The following HPCAL1 variants were observed in gnomAD, a reference collection of about 807,000 sequenced individuals.
HPCAL1 encodes the protein hippocalcin-like protein 1.
Under a neutral mutation model 17.1 loss-of-function variants are expected in HPCAL1, and 8 were observed. That is an observed-to-expected ratio of 0.47 (90% CI 0.27 to 0.84). The LOEUF (loss-of-function observed/expected upper bound fraction) is 0.84, where lower values mean the gene tolerates loss of function less well. HPCAL1 is among the 40% of genes least tolerant of loss of function. The pLI, the probability that HPCAL1 is intolerant of heterozygous loss-of-function variation, is 0.13. For missense variants in HPCAL1, 165 were observed against 271.1 expected, an observed-to-expected ratio of 0.61 and a Z score of 2.75; for synonymous variants, 112 against 111.4, an observed-to-expected ratio of 1.01 and a Z score of -0.03.
chr2:10,339,377 C>A (rs1312325432), intron 1 of HPCAL1, among the ~76,000 whole-genome samples: 1 of 151,776 alleles, frequency 6.6e-6, no homozygotes, highest in African/African-American at 2.4e-5. Flanking sequence ...GCGATCTCGG[C>A]TCACTGCAAC....
rs1668202013 is a variant in HPCAL1 at position 10,384,764 on chromosome 2, A to G, written c.-110-12071A>G. 6.6e-6 allele frequency among the ~76,000 whole-genome samples: 1 copy of G among 152,162 alleles called. No individual in the cohort carries two copies. The highest frequency in any genetic ancestry group is 2.1e-4 in the South Asian group (1 of 4,836). ...GGCTGGCACTTTTAAAGAAAGCCTC[A>G]AGACTTCTCTTTCTGATTGTGAAGT... On this transcript the variant is annotated intron_variant, in intron 1 of 4. Coordinates refer to ENST00000307845, the MANE Select transcript of HPCAL1 (RefSeq NM_002149.4). This position sits in a 1 kb window ranked among gnomAD's most constrained non-coding sequence, Gnocchi z 4.4.
At chr2:10,319,632 G>A (rs1466621846) in intron 1 of HPCAL1, among the ~76,000 whole-genome samples, 1 of 151,812 alleles carries the variant, frequency 6.6e-6, no homozygotes, top group African/African-American at 2.4e-5. Flanking sequence ...GTGTTTGGGA[G>A]CCTCTGTTTA....
rs1046222977 is a variant in HPCAL1, at chr2:10,419,401, C to A, written c.-24-333C>A. On this transcript the variant is annotated intron_variant, in intron 2 of 4. Transcript: ENST00000307845. This position sits in a 1 kb window ranked among gnomAD's most constrained non-coding sequence, Gnocchi z 5.0. ...CTGATGAGGGGGATGAAAGTAAGAACTGATTTTAATCTTCGCCTCTCGTAC... is the reference window on the plus strand; with the variant it reads ...CTGATGAGGGGGATGAAAGTAAGAAATGATTTTAATCTTCGCCTCTCGTAC... Among the ~76,000 whole-genome samples the A allele has an allele frequency of 3.3e-5, 5 of 152,142 alleles. No homozygotes were observed. The highest frequency in any genetic ancestry group is 1.2e-4 in the African/African-American group (5 of 41,422).
At chr2:10,303,905 G>T (rs13023336) in intron 1 of HPCAL1, 16,407 of 152,346 alleles carry the variant, frequency 0.11, 940 homozygotes, top group Non-Finnish European at 0.12. Context: ...AAATGAGAAC[G>T]CACTGAAGAC....
At chr2:10,309,154 TCTC>T (rs1303701982) in intron 1 of HPCAL1, among the ~76,000 whole-genome samples, 1 of 152,016 alleles carries the variant, frequency 6.6e-6, no homozygotes, top group African/African-American at 2.4e-5. Context: ...CCTGCCATAG[TCTC>T]CTGAGTAGCT....
Position 10,384,067 on chromosome 2 carries a change from G to A in HPCAL1, c.-110-12768G>A, listed in dbSNP as rs1668148343. ...CACCTTTTGCTGGTGGCTCTGGATT[G>A]GTAAGCTGGCTCCATGGCAAGAATC... On this transcript the variant is annotated intron_variant, in intron 1 of 4. Transcript: ENST00000307845. This position sits in a 1 kb window ranked among gnomAD's most constrained non-coding sequence, Gnocchi z 4.4. Among the ~76,000 whole-genome samples, 1 of 152,072 alleles carries A rather than the reference G, an allele frequency of 6.6e-6. No homozygotes were observed. Among genetic ancestry groups the A allele is most frequent in the East Asian group, 1.9e-4 (1 of 5,170 alleles).
intron 2 of HPCAL1, among the ~76,000 whole-genome samples, chr2:10,404,303 C>A (rs1435444521): frequency 6.6e-6 from 1 of 152,202 alleles, no homozygotes; most frequent in Non-Finnish European, 1.5e-5. Flanking sequence ...TCCAGCCATG[C>A]CCTTTTGCCT....
chr2:10,385,559 G>A (rs1015538086), intron 1 of HPCAL1, among the ~76,000 whole-genome samples: 11 of 152,226 alleles, frequency 7.2e-5, no homozygotes, highest in South Asian at 4.2e-4. Context: ...TTTCACTTGC[G>A]GATGCAGAAT....
intron 1 of HPCAL1, among the ~76,000 whole-genome samples, chr2:10,374,215 C>T (rs1248596325): frequency 2.0e-5 from 3 of 152,000 alleles, no homozygotes; most frequent in African/African-American, 4.8e-5. Flanking sequence ...TGGGGCAGAA[C>T]GCCAGAGCCC....
chr2:10,349,702 CAAAAAAAAAAAAAAAAAA>C (rs55897775), intron 1 of HPCAL1, among the ~76,000 whole-genome samples: 8 of 52,738 alleles, frequency 1.5e-4, no homozygotes, highest in East Asian at 6.3e-4. Flanking sequence ...GACTCTGTCT[CAAAAAAAAAAAAAAAAAA>C]AAAAAAAAAA....
intron 1 of HPCAL1, among the ~76,000 whole-genome samples, chr2:10,336,302 T>G (rs934215694): frequency 6.6e-6 from 1 of 152,270 alleles, no homozygotes; most frequent in Non-Finnish European, 1.5e-5. Flanking sequence ...TCTTAGTGAT[T>G]TGTAGATTTT....
At chr2:10,328,851 T>C (rs1664176124) in intron 1 of HPCAL1, among the ~76,000 whole-genome samples, 1 of 151,952 alleles carries the variant, frequency 6.6e-6, no homozygotes, top group Non-Finnish European at 1.5e-5. Flanking sequence ...ATGTGGGGGG[T>C]TGCTGGGGAA....
intron 2 of HPCAL1, among the ~76,000 whole-genome samples, chr2:10,404,410 C>T (rs759143472): frequency 6.6e-5 from 10 of 152,220 alleles, no homozygotes; most frequent in East Asian, 1.9e-4. Flanking sequence ...TCAGCCCCAG[C>T]GCTCTGGGTA....
rs1321469460 is a variant in HPCAL1, at chr2:10,419,367, T to A, written c.-24-367T>A. Among the ~76,000 whole-genome samples the A allele has an allele frequency of 6.6e-6, 1 of 152,166 alleles. No homozygotes were observed. Among genetic ancestry groups the A allele is most frequent in the East Asian group, 1.9e-4 (1 of 5,184 alleles). ...TGGGATGTGGCTGAGGTGGCCACTTTGCCAGGAGCTGATGAGGGGGATGAA... is the reference window on the plus strand; with the variant it reads ...TGGGATGTGGCTGAGGTGGCCACTTAGCCAGGAGCTGATGAGGGGGATGAA... On this transcript the variant is annotated intron_variant, in intron 2 of 4. Coordinates refer to ENST00000307845, the MANE Select transcript of HPCAL1 (RefSeq NM_002149.4). This position sits in a 1 kb window ranked among gnomAD's most constrained non-coding sequence, Gnocchi z 5.0.
intron 1 of HPCAL1, among the ~76,000 whole-genome samples, chr2:10,318,547 C>G (rs995575945): frequency 6.6e-6 from 1 of 152,170 alleles, no homozygotes; most frequent in Admixed American, 6.5e-5. Flanking sequence ...GATGACCGCT[C>G]CGGACATTGG....
Position 10,423,075 on chromosome 2 carries a change from C to T in HPCAL1, c.471C>T (p.Asp157=). The T allele has an allele frequency of 1.9e-6, 3 of 1,611,528 alleles. No individual in the cohort carries two copies. Among genetic ancestry groups the T allele is most frequent in the Non-Finnish European group, 1.7e-6 (2 of 1,178,126 alleles). ...KRTDKIFRQM[D]TNNDGKLSLE... ...CAGACAAGATCTTCAGGCAGATGGA[C>T]ACCAACAATGACGGTAGTGCGGGGT... The change falls in exon 4 of 5, where the codon GAC becomes GAT. Residue 157 remains aspartate (D), a synonymous_variant. Coordinates refer to ENST00000307845, the MANE Select transcript of HPCAL1 (RefSeq NM_002149.4).
chr2:10,361,122 C>T (rs866634666), intron 1 of HPCAL1, among the ~76,000 whole-genome samples: 1 of 146,920 alleles, frequency 6.8e-6, no homozygotes, highest in Admixed American at 6.9e-5. Context: ...GAAAGCCCGG[C>T]GTGTCTGGCC....
chr2:10,400,177 C>A (rs1182018193), intron 2 of HPCAL1, among the ~76,000 whole-genome samples: 3 of 152,144 alleles, frequency 2.0e-5, no homozygotes, highest in Admixed American at 6.5e-5. Flanking sequence ...AGACGTGCAC[C>A]CGTGGCAAGG....
intron 1 of HPCAL1, among the ~76,000 whole-genome samples, chr2:10,366,879 G>A (rs190109681): frequency 1.0e-3 from 153 of 152,300 alleles, no homozygotes; most frequent in African/African-American, 3.0e-3. Context: ...TGCTGGGGCC[G>A]GGGGCAGCTC....
Sources: allele counts gnomAD v4.1 joint callset (sites outside exome capture counted in the v4.1 genomes callset), GRCh38; gene constraint gnomAD v4.1.1; non-coding constraint Gnocchi (gnomAD v3.1); transcripts MANE v1.5; gene names NCBI Gene and HGNC (gene_info 2026-07-23, HGNC 2026-07-21).